Variants in SGCZ observed in about 807,000 individuals in gnomAD.
SGCZ encodes zeta-sarcoglycan.
In SGCZ, 40 loss-of-function variants were observed where a neutral mutation model predicts 41.3. The observed-to-expected ratio is 0.97, with a 90% CI of 0.75 to 1.26. SGCZ has a LOEUF of 1.26. SGCZ is among the 50% of genes most tolerant of loss of function. SGCZ has a pLI of 0.00. For synonymous variants in SGCZ, 206 were observed against 137.5 expected (o/e 1.50, Z -3.49); for missense variants, 552 against 369.8 (o/e 1.49, Z -4.04).
At chr8:14,979,859 G>C (rs1563407738) in intron 1 of SGCZ, among the ~76,000 whole-genome samples, 1 of 151,806 alleles carries the variant, frequency 6.6e-6, no homozygotes, top group Non-Finnish European at 1.5e-5. Context: ...TTCCCTTTAG[G>C]GCATAGTAAA....
chr8:14,704,966 C>A (rs1044818522), intron 1 of SGCZ, among the ~76,000 whole-genome samples: 1 of 151,904 alleles, frequency 6.6e-6, no homozygotes, highest in Non-Finnish European at 1.5e-5. Flanking sequence ...TATAAAAAGT[C>A]TGATTACTTT....
intron 1 of SGCZ, among the ~76,000 whole-genome samples, chr8:15,188,058 T>C (rs1203381031): frequency 6.6e-6 from 1 of 152,026 alleles, no homozygotes; most frequent in Non-Finnish European, 1.5e-5. Flanking sequence ...CATATATTAA[T>C]GTATGCTCGT....
chr8:14,371,391 G>A (rs113191132), intron 2 of SGCZ, among the ~76,000 whole-genome samples: 4 of 151,848 alleles, frequency 2.6e-5, no homozygotes, highest in Non-Finnish European at 4.4e-5. Flanking sequence ...AACATTTTCC[G>A]GTATTAGCAA....
chr8:14,350,776 ACTCT>A (rs1803062736), intron 2 of SGCZ, among the ~76,000 whole-genome samples: 1 of 151,892 alleles, frequency 6.6e-6, no homozygotes, highest in African/African-American at 2.4e-5. Context: ...TGAACAGAAA[ACTCT>A]CTCTCAGTAA....
chr8:15,230,201 A>AC (rs1801899164), intron 1 of SGCZ, among the ~76,000 whole-genome samples: 1 of 145,662 alleles, frequency 6.9e-6, no homozygotes, highest in Non-Finnish European at 1.5e-5. Flanking sequence ...AAAAAAAAAA[A>AC]ACTGTAATGT....
intron 2 of SGCZ, among the ~76,000 whole-genome samples, chr8:14,376,862 G>C (rs921002478): frequency 2.6e-5 from 4 of 152,140 alleles, no homozygotes; most frequent in South Asian, 2.1e-4. Context: ...GTAATGCAAT[G>C]CCAGTTAAAT....
Position 14,691,393 on chromosome 8 carries a change from GAACA to G in SGCZ, c.40-136471_40-136468del, listed in dbSNP as rs750205845. 2.6e-5 allele frequency among the ~76,000 whole-genome samples: 4 copies of G among 152,138 alleles called. No homozygotes were observed. In the South Asian group the frequency reaches 8.3e-4, roughly 32 times the overall value. On this transcript the variant is annotated intron_variant, in intron 1 of 7. Transcript: ENST00000382080. ...CTACAAACCAAGTCAACCGATACAT[GAACA>G]AACAAACTGTAAATGAGGGAAAGAA... is the stretch of plus-strand genomic sequence containing the variant.
At chr8:14,348,610 C>T (rs770847169) in intron 2 of SGCZ, among the ~76,000 whole-genome samples, 10 of 152,110 alleles carry the variant, frequency 6.6e-5, no homozygotes, top group South Asian at 4.2e-4. Flanking sequence ...GGCATATATT[C>T]GCTGAAAAAA....
chr8:14,587,174 C>A (rs1805085956), intron 1 of SGCZ, among the ~76,000 whole-genome samples: 1 of 151,756 alleles, frequency 6.6e-6, no homozygotes, highest in Non-Finnish European at 1.5e-5. Flanking sequence ...AAAATTTCCT[C>A]ATTACATAAT....
chr8:14,594,876 G>A (rs111472293), intron 1 of SGCZ, among the ~76,000 whole-genome samples: 2 of 151,658 alleles, frequency 1.3e-5, no homozygotes, highest in Admixed American at 1.3e-4. Flanking sequence ...ATTATTTTCT[G>A]TGTCTCTATT....
chr8:14,347,341 ACTT>A (rs1802924748), intron 2 of SGCZ, among the ~76,000 whole-genome samples: 1 of 152,160 alleles, frequency 6.6e-6, no homozygotes, highest in Non-Finnish European at 1.5e-5. Flanking sequence ...CATGAATTCT[ACTT>A]CTTAAATTGC....
rs183347240 is a variant in SGCZ, at chr8:14,497,476, C to T, written c.234+57256G>A. 2.4e-3 allele frequency among the ~76,000 whole-genome samples: 360 copies of T among 152,236 alleles called. 1 individual carries two copies. Among genetic ancestry groups the T allele is most frequent in the African/African-American group, 8.1e-3 (336 of 41,542 alleles). On this transcript the variant is annotated intron_variant, in intron 2 of 7. Coordinates refer to ENST00000382080, the MANE Select transcript of SGCZ (RefSeq NM_139167.4). ...CCTGCAGGCTGAATGCAGCCCAGGA[C>T]AGCTTTGAATGTGGCCCAACAAGAA...
chr8:14,392,254 C>T (rs1314664028), intron 2 of SGCZ, among the ~76,000 whole-genome samples: 1 of 152,166 alleles, frequency 6.6e-6, no homozygotes, highest in Non-Finnish European at 1.5e-5. Flanking sequence ...CAATTTTCTA[C>T]TCAAAGTTTA....
intron 5 of SGCZ, among the ~76,000 whole-genome samples, chr8:14,150,937 T>C (rs188923866): frequency 6.6e-6 from 1 of 152,216 alleles, no homozygotes; most frequent in East Asian, 1.9e-4. Context: ...AAGACAAACA[T>C]CACATGTTCT....
intron 1 of SGCZ, among the ~76,000 whole-genome samples, chr8:14,747,784 C>A (rs908895395): frequency 6.7e-6 from 1 of 149,978 alleles, no homozygotes; most frequent in Non-Finnish European, 1.5e-5. Flanking sequence ...GCCATCTCTG[C>A]TCGCTGCAAC....
chr8:15,158,775 G>A (rs1799410198), intron 1 of SGCZ, among the ~76,000 whole-genome samples: 1 of 152,126 alleles, frequency 6.6e-6, no homozygotes, highest in Admixed American at 6.5e-5. Context: ...GGAAGATGAG[G>A]GTCACAGGGA....
chr8:14,587,142 A>T (rs954208447), intron 1 of SGCZ, among the ~76,000 whole-genome samples: 1 of 152,082 alleles, frequency 6.6e-6, no homozygotes, highest in Non-Finnish European at 1.5e-5. Context: ...TCTCTAATAC[A>T]TATTTTATGT....
At chr8:14,840,140 T>C (rs1245314591) in intron 1 of SGCZ, among the ~76,000 whole-genome samples, 1 of 152,136 alleles carries the variant, frequency 6.6e-6, no homozygotes, top group African/African-American at 2.4e-5. Flanking sequence ...ATATTGTTAA[T>C]ATGATTTGAA....
intron 1 of SGCZ, among the ~76,000 whole-genome samples, chr8:15,123,189 T>C (rs1807552850): frequency 6.6e-6 from 1 of 152,206 alleles, no homozygotes; most frequent in Non-Finnish European, 1.5e-5. Flanking sequence ...TTTCTAGCTT[T>C]ATGTAGCATC....
Sources: allele counts gnomAD v4.1 joint callset (sites outside exome capture counted in the v4.1 genomes callset), GRCh38; gene constraint gnomAD v4.1.1; transcripts MANE v1.5; gene names NCBI Gene and HGNC (gene_info 2026-07-23, HGNC 2026-07-21).